Variants in NWD2 observed in about 807,000 individuals in gnomAD.
The protein encoded by NWD2 is NACHT and WD repeat domain containing 2, also known as NACHT and WD repeat domain-containing protein 2.
In NWD2, 37 loss-of-function variants were observed where a neutral mutation model predicts 132.7. The ratio of observed to expected loss-of-function variants is 0.28; its 90% CI spans 0.21 to 0.37. NWD2 has a LOEUF of 0.37. Among genes scored for constraint, NWD2 ranks in the 10% least tolerant of loss-of-function variants. NWD2 has a pLI of 1.00. For synonymous variants in NWD2, 705 were observed against 803.0 expected (o/e 0.88, Z 2.06); for missense variants, 1,592 against 2,122.4 (o/e 0.75, Z 4.91).
At chr4:37,376,034 C>CT (rs949678880) in intron 3 of NWD2, among the ~76,000 whole-genome samples, 1 of 152,036 alleles carries the variant, frequency 6.6e-6, no homozygotes, top group African/African-American at 2.4e-5. Flanking sequence ...TAAACATTCC[C>CT]TTTTTTTAGA....
In NWD2 at chr4:37,369,997, C is replaced by G. The variant is rs907195278; in HGVS notation, c.357+13515C>G. 2.6e-5 allele frequency among the ~76,000 whole-genome samples: 4 copies of G among 152,136 alleles called. No individual in the cohort carries two copies. In the South Asian group the frequency reaches 8.3e-4, roughly 31 times the overall value. ...AAGAGGTTCCTCACTCCTTTCTGTT[C>G]TGTTCTTTAGCATCTGTGCGGGATG... On this transcript the variant is annotated intron_variant, in intron 3 of 6. Coordinates refer to ENST00000309447, the MANE Select transcript of NWD2 (RefSeq NM_001144990.2).
intron 2 of NWD2, among the ~76,000 whole-genome samples, chr4:37,339,405 C>G (rs1256185506): frequency 6.6e-6 from 1 of 152,198 alleles, no homozygotes; most frequent in Non-Finnish European, 1.5e-5. Context: ...TACTCATAGG[C>G]AATCTTCTAC....
At chr4:37,424,398 G>A (rs895473459) in intron 3 of NWD2, among the ~76,000 whole-genome samples, 1 of 152,098 alleles carries the variant, frequency 6.6e-6, no homozygotes, top group African/African-American at 2.4e-5. Flanking sequence ...CATGGCCTTG[G>A]GCAAGCCTGC....
intron 3 of NWD2, among the ~76,000 whole-genome samples, chr4:37,413,291 C>T (rs1721199582): frequency 6.6e-6 from 1 of 152,070 alleles, no homozygotes; most frequent in South Asian, 2.1e-4. Context: ...AGCAAACAAC[C>T]CCATCAAAAA....
At position 37,445,128 on chromosome 4, in the gene NWD2, T is replaced by C; in HGVS notation, c.3140T>C (p.Val1047Ala). The change falls in exon 7 of 7, where the codon GTA (valine) becomes GCA (alanine). Residue 1047 changes from valine (V) to alanine (A), a missense_variant. By Grantham distance (64) the Val-to-Ala change is moderately conservative. Transcript: ENST00000309447. The surrounding 1 kb of genome is among the most constrained non-coding windows in gnomAD (Gnocchi z 4.7). ...GTCAATTCTTGCCTCCTGTCTGAAG[T>C]AGAAATCAAGGGGACCAAGCATGGA... ...DNVNSCLLSE[V>A]EIKGTKHGSS... is the part of the protein sequence containing the mutation. 2 of 1,552,094 alleles carry C rather than the reference T, an allele frequency of 1.3e-6. No homozygotes were observed. The highest frequency in any genetic ancestry group is 1.7e-6 in the Non-Finnish European group (2 of 1,147,088).
intron 1 of NWD2, among the ~76,000 whole-genome samples, chr4:37,291,817 A>G (rs531956634): frequency 2.5e-4 from 38 of 152,334 alleles, no homozygotes; most frequent in African/African-American, 8.9e-4. Flanking sequence ...CAAATATATG[A>G]TAATCAAAAT....
intron 1 of NWD2, among the ~76,000 whole-genome samples, chr4:37,292,427 A>G (rs924058517): frequency 5.9e-5 from 9 of 152,264 alleles, no homozygotes; most frequent in African/African-American, 2.2e-4. Context: ...TATGAAGCGG[A>G]GAGTGACCTC....
At chr4:37,391,577 A>G (rs1720679694) in intron 3 of NWD2, among the ~76,000 whole-genome samples, 1 of 152,216 alleles carries the variant, frequency 6.6e-6, no homozygotes, top group African/African-American at 2.4e-5. Flanking sequence ...CTTTGAGAAG[A>G]TATGCTGGTA....
intron 1 of NWD2, among the ~76,000 whole-genome samples, chr4:37,265,113 G>C (rs937445760): frequency 6.6e-6 from 1 of 151,774 alleles, no homozygotes; most frequent in Admixed American, 6.6e-5. Context: ...CAAAAAGCGC[G>C]GGAGGTGAAA....
intron 2 of NWD2, among the ~76,000 whole-genome samples, chr4:37,330,184 G>A (rs553964983): frequency 1.3e-5 from 2 of 152,170 alleles, no homozygotes; most frequent in East Asian, 1.9e-4. Flanking sequence ...GATATTTGAT[G>A]AAAATACACT....
Position 37,447,186 on chromosome 4 carries a change from C to G in NWD2, c.5198C>G (p.Ala1733Gly). 1 of 1,551,106 alleles carries G rather than the reference C, an allele frequency of 6.4e-7. No individual in the cohort carries two copies. Among genetic ancestry groups the G allele is most frequent in the Non-Finnish European group, 8.7e-7 (1 of 1,146,892 alleles). The change falls in exon 7 of 7, where the codon GCC becomes GGC. Residue 1733 changes from alanine (A) to glycine (G), a missense_variant. Ala to Gly is a moderately conservative substitution (Grantham distance 60, BLOSUM62 0). Coordinates refer to ENST00000309447, the MANE Select transcript of NWD2 (RefSeq NM_001144990.2). ...GAGCGGGTATGCTCGGCCCTAGAAG[C>G]CAGGGGCCACAGCTATGCCCCTGAT... ...CYERVCSALE[A>G]RGHSYAPDN
chr4:37,351,523 A>G (rs1345561705), intron 2 of NWD2, among the ~76,000 whole-genome samples: 1 of 152,022 alleles, frequency 6.6e-6, no homozygotes, highest in Non-Finnish European at 1.5e-5. Context: ...ATCAATGTTG[A>G]TATCGCCTTT....
intron 1 of NWD2, among the ~76,000 whole-genome samples, chr4:37,279,347 A>C (rs1442350889): frequency 6.6e-6 from 1 of 152,202 alleles, no homozygotes; most frequent in African/African-American, 2.4e-5. Flanking sequence ...CTAGATCTGT[A>C]GGAGAGTAAA....
intron 1 of NWD2, among the ~76,000 whole-genome samples, chr4:37,267,719 A>G (rs569426177): frequency 1.1e-4 from 17 of 152,090 alleles, no homozygotes; most frequent in Non-Finnish European, 1.2e-4. Flanking sequence ...AAATGTGAGT[A>G]CTTACTATAT....
chr4:37,320,880 G>T (rs1719054308), intron 1 of NWD2, among the ~76,000 whole-genome samples: 1 of 152,100 alleles, frequency 6.6e-6, no homozygotes, highest in Admixed American at 6.6e-5. Flanking sequence ...AGTTTAGGTT[G>T]GGTGCACTGG....
intron 1 of NWD2, among the ~76,000 whole-genome samples, chr4:37,271,570 T>A (rs1443229238): frequency 6.6e-6 from 1 of 151,850 alleles, no homozygotes; most frequent in Admixed American, 6.6e-5. Context: ...AATTCACTTA[T>A]GAGTTCAAAT....
At chr4:37,343,811 G>GT (rs1200246427) in intron 2 of NWD2, among the ~76,000 whole-genome samples, 2 of 151,972 alleles carry the variant, frequency 1.3e-5, no homozygotes, top group African/African-American at 2.4e-5. Flanking sequence ...AGGATTATTT[G>GT]TTTTTTTACA....
chr4:37,348,758 C>T (rs1369978132), intron 2 of NWD2, among the ~76,000 whole-genome samples: 5 of 146,978 alleles, frequency 3.4e-5, no homozygotes, highest in Admixed American at 2.8e-4. Flanking sequence ...TAGGTATACA[C>T]GTGCCATGGT....
In NWD2 at chr4:37,258,323, C is replaced by G. The variant is rs902308789; in HGVS notation, c.151+13105C>G. Among the ~76,000 whole-genome samples, 5 of 152,268 alleles carry G rather than the reference C, an allele frequency of 3.3e-5. No homozygotes were observed. In the Middle Eastern group the frequency reaches 0.01, roughly 311 times the overall value. On this transcript the variant is annotated intron_variant, in intron 1 of 6. Coordinates refer to ENST00000309447, the MANE Select transcript of NWD2 (RefSeq NM_001144990.2). ...GTAAGTTGATCATTCTTATTGTGTTCTTGTAATGGTTATTGAAAGCTCACA... is the reference window on the plus strand; with the variant it reads ...GTAAGTTGATCATTCTTATTGTGTTGTTGTAATGGTTATTGAAAGCTCACA...
Sources: gnomAD v4.1 joint callset for allele counts (sites outside exome capture counted in the v4.1 genomes callset) on GRCh38, gnomAD v4.1.1 for gene constraint, Gnocchi (gnomAD v3.1) non-coding constraint, MANE v1.5 for transcripts, NCBI Gene and HGNC (gene_info 2026-07-23, HGNC 2026-07-21) for gene names.